The following NINL variants were observed in gnomAD, a reference collection of about 807,000 sequenced individuals.
NINL encodes the protein ninein like, also known as ninein-like protein.
A neutral mutation model predicts 160.3 loss-of-function variants in NINL; 153 were observed. The observed-to-expected ratio is 0.95, with a 90% CI of 0.84 to 1.09. The LOEUF (loss-of-function observed/expected upper bound fraction) is 1.09. NINL is among the 50% of genes least tolerant of loss of function. NINL has a pLI of 0.00. For missense variants in NINL, 1,829 were observed against 1,764.0 expected (o/e 1.04, Z -0.66); for synonymous variants, 800 against 734.8 (o/e 1.09, Z -1.43).
At chr20:25,573,572 A>G (rs143647676) in intron 1 of NINL, among the ~76,000 whole-genome samples, 23 of 152,274 alleles carry the variant, frequency 1.5e-4, no homozygotes, top group African/African-American at 4.6e-4. Flanking sequence ...CAGTGTCAAC[A>G]CCAACAATTC....
In NINL at chr20:25,469,068, G is replaced by A. The variant is rs375727436; in HGVS notation, c.3353+923C>T. Among the ~76,000 whole-genome samples, 3 of 140,560 alleles carry A rather than the reference G, an allele frequency of 2.1e-5. No individual in the cohort carries two copies. The East Asian group carries it at 6.8e-4, about 32-fold the overall frequency. The allele number at this position is 140,560 out of a possible 152,430, so 92.2% of individuals were successfully genotyped here. On this transcript the variant is annotated intron_variant, in intron 18 of 23. Transcript: ENST00000278886. ...CCTGTCCCCCAACTCTCACTGGTGG[G>A]TGCCCCACTGCCCTGTCCCCTGACT...
intron 8 of NINL, among the ~76,000 whole-genome samples, chr20:25,500,503 C>T (rs1007337928): frequency 1.3e-5 from 2 of 152,230 alleles, no homozygotes; most frequent in Non-Finnish European, 2.9e-5. Flanking sequence ...CAACAGAAAT[C>T]GTCATCATCA....
At chr20:25,544,702 A>C (rs1283374924) in intron 1 of NINL, among the ~76,000 whole-genome samples, 1 of 152,180 alleles carries the variant, frequency 6.6e-6, no homozygotes, top group Non-Finnish European at 1.5e-5. Context: ...TTTTCTACCC[A>C]AAAGCTAACA....
At chr20:25,538,531 G>T (rs1477224774) in intron 1 of NINL, among the ~76,000 whole-genome samples, 2 of 148,964 alleles carry the variant, frequency 1.3e-5, no homozygotes, top group Non-Finnish European at 1.5e-5. Context: ...AGCTCTCAGG[G>T]GCAAAGCCAG....
rs561533610 is a variant in NINL, at chr20:25,498,413, C to T, written c.1033-67G>A. 3.4e-4 allele frequency: 543 copies of T among 1,583,772 alleles called. 4 individuals carry two copies. The South Asian group carries it at 5.8e-3, about 17-fold the overall frequency. On this transcript the variant is annotated intron_variant, in intron 8 of 23. Transcript: ENST00000278886. ...TTCCCCAAGCAGACACCTCTTTGCT[C>T]CCTCCCTGATCCAGGGCCTAGCCCA...
chr20:25,488,965 G>A lies in NINL; in HGVS notation c.1677+279C>T, dbSNP rs569857409. 1.8e-4 allele frequency: 82 copies of A among 448,884 alleles called. 1 individual carries two copies. The East Asian group carries it at 2.9e-3, about 16-fold the overall frequency. The allele number at this position is 448,884 out of a possible 1,614,324, so 27.8% of individuals were successfully genotyped here. A position where few individuals can be genotyped will look rare whatever the true frequency, so the allele number is the denominator to read the frequency against. On this transcript the variant is annotated intron_variant, in intron 13 of 23. Coordinates refer to ENST00000278886, the MANE Select transcript of NINL (RefSeq NM_025176.6). ...ACTCCTATGTCTCCAACTGACAGAC[G>A]GACACGCATGGCAGGTTTGGCCCAG...
intron 1 of NINL, among the ~76,000 whole-genome samples, chr20:25,579,047 TGTAG>T: frequency 6.6e-6 from 1 of 152,298 alleles, no homozygotes; most frequent in East Asian, 1.9e-4. Flanking sequence ...AACCAGCATG[TGTAG>T]ACAGGATCAC....
At chr20:25,540,488 C>A (rs2064644943) in intron 1 of NINL, among the ~76,000 whole-genome samples, 3 of 152,062 alleles carry the variant, frequency 2.0e-5, no homozygotes, top group Non-Finnish European at 4.4e-5. Context: ...TTAAGCTATG[C>A]CCCCCAGAAT....
At chr20:25,502,861 T>C (rs1361506243) in intron 7 of NINL, among the ~76,000 whole-genome samples, 1 of 152,258 alleles carries the variant, frequency 6.6e-6, no homozygotes. Flanking sequence ...ACTGGCACCA[T>C]GCTTCCTGCA....
intron 16 of NINL, among the ~76,000 whole-genome samples, chr20:25,477,810 C>T (rs2063296122): frequency 1.3e-5 from 2 of 152,156 alleles, no homozygotes; most frequent in South Asian, 4.1e-4. Flanking sequence ...CTGCTTGTGC[C>T]TGCCCCTCTG....
At chr20:25,572,495 T>C (rs1191156165) in intron 1 of NINL, among the ~76,000 whole-genome samples, 3 of 152,176 alleles carry the variant, frequency 2.0e-5, no homozygotes, top group Non-Finnish European at 4.4e-5. Context: ...CCTAGGCACT[T>C]TGGAATTTAT....
chr20:25,500,856 C>A lies in NINL; in HGVS notation c.1016G>T (p.Gly339Val), dbSNP rs1174342111. Reference protein sequence around the residue: ...AMWTQEGIQNGREILQSLDFS... With the variant: ...AMWTQEGIQNVREILQSLDFS... ...GTTCCAAACCTGCAAGATCTCCCTG[C>A]CATTCTGAATCCCCTCCTGGGTCCA... Residue 339 changes from glycine to valine, a missense_variant, in exon 8 of 24, where the codon GGC becomes GTC. Transcript: ENST00000278886. 1.9e-6 allele frequency: 3 copies of A among 1,613,720 alleles called. No individual in the cohort carries two copies. Among genetic ancestry groups the A allele is most frequent in the Admixed American group, 3.3e-5 (2 of 59,982 alleles).
chr20:25,524,929 G>GTATATATA (rs1332582893), intron 2 of NINL, among the ~76,000 whole-genome samples: 3 of 147,172 alleles, frequency 2.0e-5, no homozygotes, highest in African/African-American at 7.4e-5. Flanking sequence ...ATATATGTGT[G>GTATATATA]TGTATATATA....
In NINL at chr20:25,512,851, A is replaced by T. The variant is rs765599940; in HGVS notation, c.433T>A (p.Ser145Thr). Residue 145 changes from serine (S) to threonine (T), a missense_variant, in exon 4 of 24, where the codon TCT becomes ACT. Coordinates refer to ENST00000278886, the MANE Select transcript of NINL (RefSeq NM_025176.6). ...SLKSHLWRSA[S>T]LESVESPKSD... ...TGACCCACCTCCACGCTCTCCAGAG[A>T]CGCTGAGCGCCAGAGGTGACTTTTC... 6.2e-7 allele frequency: 1 copy of T among 1,613,524 alleles called. No homozygotes were observed. Among genetic ancestry groups the T allele is most frequent in the Non-Finnish European group, 8.5e-7 (1 of 1,179,642 alleles).
intron 1 of NINL, among the ~76,000 whole-genome samples, chr20:25,574,856 C>T (rs1459016540): frequency 1.3e-5 from 2 of 152,026 alleles, no homozygotes; most frequent in Non-Finnish European, 1.5e-5. Context: ...TTTTTCCCAC[C>T]TCCTCACATA....
intron 1 of NINL, among the ~76,000 whole-genome samples, chr20:25,538,175 T>C (rs140815237): frequency 7.2e-5 from 11 of 152,270 alleles, no homozygotes; most frequent in African/African-American, 2.6e-4. Flanking sequence ...AGGCGTGGCC[T>C]GTGCACCTCA....
intron 19 of NINL, 111 bp from the exon 20 acceptor site, chr20:25,462,652 T>TTTTGTTTTGC (rs1471017710): frequency 3.4e-6 from 3 of 889,182 alleles, no homozygotes; most frequent in Non-Finnish European, 5.0e-6. Flanking sequence ...ATTTGTTTTG[T>TTTTGTTTTGC]TTTGTTTTGT....
At chr20:25,570,158 C>T (rs1282551746) in intron 1 of NINL, among the ~76,000 whole-genome samples, 8 of 151,992 alleles carry the variant, frequency 5.3e-5, no homozygotes, top group South Asian at 2.1e-4. Context: ...CCAGCCTGGG[C>T]GACAGAGCAA....
At chr20:25,579,785 A>C (rs73337394) in intron 1 of NINL, among the ~76,000 whole-genome samples, 13,473 of 152,142 alleles carry the variant, frequency 0.089, 980 homozygotes, top group African/African-American at 0.2. Context: ...CCACTTCAAC[A>C]ATGGAGCAGC....
Sources: allele counts gnomAD v4.1 joint callset (sites outside exome capture counted in the v4.1 genomes callset), GRCh38; gene constraint gnomAD v4.1.1; transcripts MANE v1.5; gene names NCBI Gene and HGNC (gene_info 2026-07-23, HGNC 2026-07-21).